Variants in SLC3A1 observed in about 807,000 individuals in gnomAD.
SLC3A1 encodes the protein amino acid transporter heavy chain SLC3A1.
Under a neutral mutation model 60.3 loss-of-function variants are expected in SLC3A1, and 78 were observed. That is an observed-to-expected ratio of 1.29 (90% CI 1.08 to 1.56). SLC3A1 has a LOEUF of 1.56. Among genes scored for constraint, SLC3A1 ranks in the 40% most tolerant of loss-of-function variants. SLC3A1 has a pLI of 0.00. For synonymous variants in SLC3A1, 392 were observed against 307.9 expected (o/e 1.27, Z -2.86); for missense variants, 1,172 against 858.9 (o/e 1.36, Z -4.56).
rs567478582 is a variant in SLC3A1, at chr2:44,301,085, G to C, written c.1094G>C (p.Arg365Pro). Residue 365 changes from arginine to proline, a missense_variant, in exon 6 of 10, where the codon CGG (arginine) becomes CCG (proline). Transcript: ENST00000260649. ...ATGCACGACATTGTCCGCAGCTTCC[G>C]GCAGACCATGGACCAATACAGCACG... Reference protein sequence around the residue: ...VGMHDIVRSFRQTMDQYSTEP... With the variant: ...VGMHDIVRSFPQTMDQYSTEP... The C allele has an allele frequency of 1.2e-6, 2 of 1,614,056 alleles. No individual in the cohort carries two copies. Among genetic ancestry groups the C allele is most frequent in the Non-Finnish European group, 1.7e-6 (2 of 1,180,016 alleles).
chr2:44,286,372 T>C (rs1671612012), intron 4 of SLC3A1, among the ~76,000 whole-genome samples: 1 of 152,208 alleles, frequency 6.6e-6, no homozygotes, highest in Admixed American at 6.5e-5. Context: ...CTGGTGCAAA[T>C]GTAGACTCTC....
chr2:44,316,660 C>A (rs1452241955), intron 9 of SLC3A1, among the ~76,000 whole-genome samples: 1 of 152,112 alleles, frequency 6.6e-6, no homozygotes, highest in African/African-American at 2.4e-5. Flanking sequence ...CAGAAAGAAA[C>A]CAAACCTGAA....
chr2:44,302,306 T>G (rs1672032906), intron 6 of SLC3A1, among the ~76,000 whole-genome samples: 1 of 151,600 alleles, frequency 6.6e-6, no homozygotes, highest in African/African-American at 2.4e-5. Flanking sequence ...AAGGCTGTTG[T>G]GAGATTAAAT....
At chr2:44,277,520 C>G (rs1027725915) in intron 1 of SLC3A1, among the ~76,000 whole-genome samples, 9 of 152,142 alleles carry the variant, frequency 5.9e-5, no homozygotes, top group African/African-American at 2.2e-4. Flanking sequence ...TCTTTAGCCT[C>G]CCTAATCAGA....
At chr2:44,306,830 T>C (rs1332480604) in intron 7 of SLC3A1, among the ~76,000 whole-genome samples, 1 of 152,150 alleles carries the variant, frequency 6.6e-6, no homozygotes, top group Non-Finnish European at 1.5e-5. Context: ...GTGCTGGGAT[T>C]ACAGGTGTGA....
Position 44,275,798 on chromosome 2 carries a change from T to A in SLC3A1, c.263T>A (p.Ile88Asn). 1 of 1,614,246 alleles carries A rather than the reference T, an allele frequency of 6.2e-7. No individual in the cohort carries two copies. Among genetic ancestry groups the A allele is most frequent in the Non-Finnish European group, 8.5e-7 (1 of 1,180,052 alleles). ...GCCCGCTACCGCATACCTCGGGAGA[T>A]CCTCTTCTGGCTCACAGTGGCTTCT... The part of the protein sequence containing the change: ...GQARYRIPRE[I>N]LFWLTVASVL... Residue 88 changes from isoleucine (I) to asparagine (N), a missense_variant, in exon 1 of 10, where the codon ATC becomes AAC. Coordinates refer to ENST00000260649, the MANE Select transcript of SLC3A1 (RefSeq NM_000341.4).
At chr2:44,298,176 C>T (rs78052622) in intron 4 of SLC3A1, among the ~76,000 whole-genome samples, 19 of 92,840 alleles carry the variant, frequency 2.0e-4, no homozygotes, top group Middle Eastern at 0.011. Context: ...ATTCTTCATA[C>T]ATCAGATCTT....
intron 6 of SLC3A1, chr2:44,301,441 T>A: frequency 1.8e-6 from 1 of 557,436 alleles, no homozygotes; most frequent in Admixed American, 3.1e-5. Flanking sequence ...ATTTTTTCTT[T>A]TTCAAAAACC....
rs1315498243 is a variant in SLC3A1 at position 44,320,490 on chromosome 2, G to A, written c.1909G>A (p.Gly637Ser). Reference protein sequence around the residue: ...ADKGSKVDTSGIFLDKGEGLI... With the variant: ...ADKGSKVDTSSIFLDKGEGLI... ...CAAAGGCAGTAAAGTTGATACAAGT[G>A]GCATTTTTCTGGACAAGGGAGAGGG... is the stretch of plus-strand genomic sequence containing the variant. The change falls in exon 10 of 10, where the codon GGC becomes AGC. Residue 637 changes from glycine to serine, a missense_variant. Physicochemically the swap from Gly to Ser is moderately conservative, Grantham distance 56 (BLOSUM62 0). Transcript: ENST00000260649. The A allele has an allele frequency of 2.5e-6, 4 of 1,614,124 alleles. No individual in the cohort carries two copies. The South Asian group carries it at 4.4e-5, about 18-fold the overall frequency.
chr2:44,291,835 A>G (rs904902579), intron 4 of SLC3A1, among the ~76,000 whole-genome samples: 2 of 152,100 alleles, frequency 1.3e-5, no homozygotes, highest in African/African-American at 4.8e-5. Flanking sequence ...GGAAGCTGGC[A>G]TGCTGGGGAA....
At chr2:44,310,470 C>T (rs1042660649) in intron 7 of SLC3A1, among the ~76,000 whole-genome samples, 8 of 152,202 alleles carry the variant, frequency 5.3e-5, no homozygotes, top group African/African-American at 1.7e-4. Context: ...CCATTGCCCT[C>T]TGGCCTTCAT....
Position 44,304,274 on chromosome 2 carries a change from G to T in SLC3A1, c.1268G>T (p.Ser423Ile), listed in dbSNP as rs773521247. Residue 423 changes from serine (S) to isoleucine (I), a missense_variant, in exon 7 of 10, where the codon AGC becomes ATC. Transcript: ENST00000260649. ...ATGCTAGACACTGTTTCTGGGAACA[G>T]CGTGTATGAGGTTATCACATCCTGG... The part of the protein sequence containing the change: ...LSMLDTVSGN[S>I]VYEVITSWME... The T allele has an allele frequency of 6.2e-7, 1 of 1,614,160 alleles. No individual in the cohort carries two copies. The highest frequency in any genetic ancestry group is 2.2e-5 in the East Asian group (1 of 44,884).
intron 3 of SLC3A1, among the ~76,000 whole-genome samples, chr2:44,284,007 C>T (rs949485222): frequency 1.3e-5 from 2 of 152,038 alleles, no homozygotes; most frequent in Non-Finnish European, 2.9e-5. Flanking sequence ...AGTTGGGCTA[C>T]TTCCGTTTTT....
intron 7 of SLC3A1, among the ~76,000 whole-genome samples, chr2:44,304,968 C>T (rs1214695649): frequency 6.6e-6 from 1 of 151,870 alleles, no homozygotes; most frequent in Non-Finnish European, 1.5e-5. Context: ...ACTACAGGTG[C>T]ATGCCACCAT....
At chr2:44,291,368 C>T (rs927842855) in intron 4 of SLC3A1, among the ~76,000 whole-genome samples, 2 of 152,122 alleles carry the variant, frequency 1.3e-5, no homozygotes, top group Non-Finnish European at 1.5e-5. Context: ...CCAGCCAATA[C>T]ATTAATTATT....
intron 7 of SLC3A1, among the ~76,000 whole-genome samples, chr2:44,309,383 T>C (rs147261704): frequency 5.9e-5 from 9 of 152,348 alleles, no homozygotes; most frequent in East Asian, 1.9e-4. Context: ...TACAATAGCA[T>C]GTATGAGATC....
At position 44,282,185 on chromosome 2, in the gene SLC3A1, T is replaced by A. The variant is rs142721097; in HGVS notation, c.765+644T>A. On this transcript the variant is annotated intron_variant, in intron 3 of 9. Coordinates refer to ENST00000260649, the MANE Select transcript of SLC3A1 (RefSeq NM_000341.4). ...CCGCTCCTGGCCCCCTTTGCCTTTCTGACTTTTTGTCTCCTCTGTCTGACA... is the reference window on the plus strand; with the variant it reads ...CCGCTCCTGGCCCCCTTTGCCTTTCAGACTTTTTGTCTCCTCTGTCTGACA... Among the ~76,000 whole-genome samples the A allele has an allele frequency of 2.0e-5, 3 of 152,260 alleles. No homozygotes were observed. The East Asian group carries it at 5.8e-4, about 29-fold the overall frequency.
At chr2:44,305,913 G>C (rs1033540497) in intron 7 of SLC3A1, among the ~76,000 whole-genome samples, 1 of 152,076 alleles carries the variant, frequency 6.6e-6, no homozygotes, top group African/African-American at 2.4e-5. Context: ...TCTACCTATT[G>C]TATACTATAG....
intron 3 of SLC3A1, chr2:44,285,597 G>A (rs1362564260): frequency 2.2e-6 from 1 of 446,526 alleles, no homozygotes; most frequent in South Asian, 1.6e-5. Context: ...ATTTTCTGGG[G>A]ATATAATTTA....
Sources: allele counts gnomAD v4.1 joint callset (sites outside exome capture counted in the v4.1 genomes callset), GRCh38; gene constraint gnomAD v4.1.1; transcripts MANE v1.5; gene names NCBI Gene and HGNC (gene_info 2026-07-23, HGNC 2026-07-21).